COL4A2: variants seen among roughly 807,000 people sequenced by gnomAD.
COL4A2 encodes collagen type IV alpha 2 chain.
Under a neutral mutation model 200.2 loss-of-function variants are expected in COL4A2, and 99 were observed. That is an observed-to-expected ratio of 0.49 (90% CI 0.42 to 0.58). The LOEUF (loss-of-function observed/expected upper bound fraction) is 0.58. COL4A2 is among the 20% of genes least tolerant of loss of function. COL4A2 has a pLI of 0.00. For synonymous variants in COL4A2, 897 were observed against 900.6 expected (o/e 1.00, Z 0.07); for missense variants, 1,950 against 2,314.1 (o/e 0.84, Z 3.23).
chr13:110,489,565 A>G, intron 35 of COL4A2, 57 bp downstream of exon 35: 1 of 1,598,292 alleles, frequency 6.3e-7, no homozygotes, highest in Non-Finnish European at 8.6e-7. Context: ...CTCTCTGAGC[A>G]TGTGAGCCAA....
chr13:110,385,446 G>A (rs565718523), intron 4 of COL4A2, among the ~76,000 whole-genome samples: 4 of 82,922 alleles, frequency 4.8e-5, no homozygotes, highest in Non-Finnish European at 8.0e-5. Flanking sequence ...TGGATAGACC[G>A]TGGCTGCAGT....
intron 41 of COL4A2, 116 bp from the exon 42 acceptor site, chr13:110,503,005 T>G: frequency 1.1e-6 from 1 of 920,202 alleles, no homozygotes; most frequent in Non-Finnish European, 1.7e-6. Context: ...ACAAAGTCAT[T>G]CCATGCCACA....
intron 4 of COL4A2, among the ~76,000 whole-genome samples, chr13:110,371,855 C>G (rs1476835422): frequency 1.3e-5 from 2 of 152,126 alleles, no homozygotes; most frequent in Non-Finnish European, 2.9e-5. Context: ...CTTTCCGTCT[C>G]CCCCAGTTCT....
At chr13:110,310,965 C>T (rs1884964636) in intron 3 of COL4A2, among the ~76,000 whole-genome samples, 1 of 152,180 alleles carries the variant, frequency 6.6e-6, no homozygotes, top group Non-Finnish European at 1.5e-5. Context: ...GATTAGAACC[C>T]AGGCCTCTTC....
intron 4 of COL4A2, among the ~76,000 whole-genome samples, chr13:110,406,113 C>G (rs1879558730): frequency 6.6e-6 from 1 of 152,216 alleles, no homozygotes; most frequent in South Asian, 2.1e-4. Flanking sequence ...AAAGAAAACA[C>G]TGCCAAACTG....
intron 14 of COL4A2, 138 bp from the exon 15 acceptor site, chr13:110,438,480 A>G: frequency 8.6e-7 from 1 of 1,162,920 alleles, no homozygotes; most frequent in South Asian, 1.2e-5. Context: ...ACTGCGCCTG[A>G]GTTGAGCATC....
Position 110,506,426 on chromosome 13 carries a change from C to G in COL4A2, c.4414C>G (p.Arg1472Gly). ...GPIGQEGAPG[R>G]PGSPGLPGMP... ...TTCTCGGGCTGCAGGTGCACCAGGCCGTCCAGGGAGCCCGGGCCTGCCGGG... is the reference window on the plus strand; with the variant it reads ...TTCTCGGGCTGCAGGTGCACCAGGCGGTCCAGGGAGCCCGGGCCTGCCGGG... The change falls in exon 46 of 48, where the codon CGT (arginine) becomes GGT (glycine). Residue 1472 changes from arginine (R) to glycine (G), a missense_variant. Physicochemically the swap from Arg to Gly is moderately radical, Grantham distance 125. Coordinates refer to ENST00000360467, the MANE Select transcript of COL4A2 (RefSeq NM_001846.4). 1 of 1,610,642 alleles carries G rather than the reference C, an allele frequency of 6.2e-7. No individual in the cohort carries two copies. Among genetic ancestry groups the G allele is most frequent in the Non-Finnish European group, 8.5e-7 (1 of 1,179,020 alleles).
At position 110,478,066 on chromosome 13, in the gene COL4A2, G is replaced by T. The variant is rs773739507; in HGVS notation, c.2489G>T (p.Gly830Val). The T allele has an allele frequency of 2.5e-6, 4 of 1,605,454 alleles. No homozygotes were observed. The highest frequency in any genetic ancestry group is 3.4e-6 in the Non-Finnish European group (4 of 1,174,506). The change falls in exon 30 of 48, where the codon GGC becomes GTC. Residue 830 changes from glycine to valine, a missense_variant. Transcript: ENST00000360467. ...CAGCCAGGCCTCCCAGGACCTTCCG[G>T]CCAGCCAGGCCTGTATGGGCCTCCA... The part of the protein sequence containing the change: ...KGQPGLPGPS[G>V]QPGLYGPPGL...
rs949985405 is a variant in COL4A2, at chr13:110,493,821, G to GC, written c.3634+539_3634+540insC. ...AGCATGCCAGCGTGGTCGGGTTCTG[G>GC]GGGGGGCCGCGTCCTGGCTGCTCGC... On this transcript the variant is annotated intron_variant, in intron 39 of 47. Transcript: ENST00000360467. Among the ~76,000 whole-genome samples, 21 of 151,918 alleles carry GC rather than the reference G, an allele frequency of 1.4e-4. No homozygotes were observed. In the South Asian group the frequency reaches 3.1e-3, roughly 23 times the overall value.
At chr13:110,343,383 A>G (rs1440930724) in intron 3 of COL4A2, among the ~76,000 whole-genome samples, 1 of 152,174 alleles carries the variant, frequency 6.6e-6, no homozygotes, top group African/African-American at 2.4e-5. Context: ...AGGCAGAGAA[A>G]AAACTACCGA....
At chr13:110,389,081 G>T (rs1238485716) in intron 4 of COL4A2, among the ~76,000 whole-genome samples, 2 of 152,152 alleles carry the variant, frequency 1.3e-5, no homozygotes, top group Admixed American at 1.3e-4. Flanking sequence ...GTCTTTGGTT[G>T]GGTTTATAAA....
chr13:110,421,929 T>C (rs767002526), intron 4 of COL4A2, among the ~76,000 whole-genome samples: 1 of 152,230 alleles, frequency 6.6e-6, no homozygotes, highest in Non-Finnish European at 1.5e-5. Flanking sequence ...CAGATAAGAA[T>C]GTGGTTTTCA....
At chr13:110,331,662 G>A (rs59939661) in intron 3 of COL4A2, among the ~76,000 whole-genome samples, 10,744 of 152,144 alleles carry the variant, frequency 0.071, 1,003 homozygotes, top group African/African-American at 0.22. Flanking sequence ...AGGAGGAATG[G>A]AGGCAATATT....
At chr13:110,325,335 GTTGTTAAAGGCAGCCCTGTTTCTCCTGGA>G (rs1885379174) in intron 3 of COL4A2, among the ~76,000 whole-genome samples, 1 of 152,150 alleles carries the variant, frequency 6.6e-6, no homozygotes, top group East Asian at 1.9e-4. Context: ...ACCTCCCTAA[GTTGTTAAAGGCAGCCCTGTTTCTCCTGGA>G]GTGATACTTG....
intron 29 of COL4A2, among the ~76,000 whole-genome samples, chr13:110,476,435 C>T (rs148425050): frequency 6.0e-4 from 92 of 152,344 alleles, no homozygotes; most frequent in Non-Finnish European, 9.4e-4. Flanking sequence ...GCTTCGAGTG[C>T]GCCTCCTGCT....
chr13:110,437,460 G>A (rs1323372259), intron 13 of COL4A2, among the ~76,000 whole-genome samples: 1 of 152,200 alleles, frequency 6.6e-6, no homozygotes, highest in African/African-American at 2.4e-5. Flanking sequence ...AGAAATGACG[G>A]GGACAAAGGA....
At chr13:110,488,831 C>T (rs545935078) in intron 34 of COL4A2, among the ~76,000 whole-genome samples, 13 of 152,318 alleles carry the variant, frequency 8.5e-5, no homozygotes, top group African/African-American at 2.4e-4. Flanking sequence ...GAGTCACCGC[C>T]GCCGCTGACA....
chr13:110,371,341 G>A (rs1470175167), intron 4 of COL4A2, among the ~76,000 whole-genome samples: 5 of 152,206 alleles, frequency 3.3e-5, no homozygotes, highest in Non-Finnish European at 7.3e-5. Flanking sequence ...ATGTGTGTGT[G>A]CATGTACCTA....
chr13:110,439,735 G>T, intron 15 of COL4A2, 54 bp from the exon 16 acceptor site: 3 of 1,612,662 alleles, frequency 1.9e-6, no homozygotes, highest in Non-Finnish European at 2.5e-6. Flanking sequence ...AAGCCCTCTG[G>T]AAATGTCTAC....
Sources: allele counts gnomAD v4.1 joint callset (sites outside exome capture counted in the v4.1 genomes callset), GRCh38; gene constraint gnomAD v4.1.1; transcripts MANE v1.5; gene names NCBI Gene and HGNC (gene_info 2026-07-23, HGNC 2026-07-21).